BAG5: variants seen among roughly 807,000 people sequenced by gnomAD.
BAG5 encodes the protein BAG cochaperone 5, also known as BAG family molecular chaperone regulator 5.
A neutral mutation model predicts 31.8 loss-of-function variants in BAG5; 25 were observed. That is an observed-to-expected ratio of 0.79 (90% CI 0.57 to 1.10). The LOEUF (loss-of-function observed/expected upper bound fraction) is 1.10, where lower values mean the gene tolerates loss of function less well. Among genes scored for constraint, BAG5 ranks in the 50% least tolerant of loss-of-function variants. The probability of loss-of-function intolerance (pLI) is 0.00; values close to 1 mark genes in which losing one functional copy is unlikely to be tolerated. For synonymous variants in BAG5, 208 were observed against 205.0 expected (o/e 1.01, Z -0.13); for missense variants, 491 against 527.9 (o/e 0.93, Z 0.68).
intron 1 of BAG5, chr14:103,561,898 AATTC>A: frequency 7.0e-6 from 11 of 1,575,950 alleles, no homozygotes; most frequent in Non-Finnish European, 9.6e-6. Flanking sequence ...AACTATGAAT[AATTC>A]ATTCACTCGC....
Position 103,559,252 on chromosome 14 carries a change from C to G in BAG5, c.*569G>C, listed in dbSNP as rs2076054939. 1 of 152,160 alleles carries G rather than the reference C, an allele frequency of 6.6e-6. No homozygotes were observed. Among genetic ancestry groups the G allele is most frequent in the Non-Finnish European group, 1.5e-5 (1 of 68,058 alleles). 9.4% of individuals were successfully genotyped at this position (152,160 alleles called of 1,614,324 possible). On this transcript the variant is annotated 3_prime_UTR_variant, in exon 2 of 2. Coordinates refer to ENST00000299204, the MANE Select transcript of BAG5 (RefSeq NM_001015048.3). ...GTAGAGGATGGGGAAAATGCAGATG[C>G]TGTTTTTCCAACTAAAAATGTTTAC...
rs550355142 is a variant in BAG5, at chr14:103,559,696, A to T, written c.*125T>A. On this transcript the variant is annotated 3_prime_UTR_variant, in exon 2 of 2. Coordinates refer to ENST00000299204, the MANE Select transcript of BAG5 (RefSeq NM_001015048.3). ...ATCAAAAGCAGCAGATACTGAATAG[A>T]ATTTGCTTCAATCATAAATACTGAG... 2 of 1,142,852 alleles carry T rather than the reference A, an allele frequency of 1.8e-6. No individual in the cohort carries two copies. The allele number at this position is 1,142,852 out of a possible 1,614,324, so 70.8% of individuals were successfully genotyped here.
In BAG5 at chr14:103,560,999, C is replaced by G; in HGVS notation, c.166G>C (p.Val56Leu). The change falls in exon 2 of 2, where the codon GTA (valine) becomes CTA (leucine). Residue 56 changes from valine to leucine, a missense_variant. By Grantham distance (32) the Val-to-Leu change is conservative. Coordinates refer to ENST00000299204, the MANE Select transcript of BAG5 (RefSeq NM_001015048.3). ...ATATCTCCTTTTCCTTCAGTATCTA[C>G]AGAGTCTATTTCAAAAAGCTGTTTT... is the stretch of plus-strand genomic sequence containing the variant. ...LTKQLFEIDSVDTEGKGDIQQ... is the reference protein window; with the variant it reads ...LTKQLFEIDSLDTEGKGDIQQ... 6.2e-7 allele frequency: 1 copy of G among 1,614,150 alleles called. No homozygotes were observed. Among genetic ancestry groups the G allele is most frequent in the Non-Finnish European group, 8.5e-7 (1 of 1,180,042 alleles).
Position 103,561,176 on chromosome 14 carries a change from G to A in BAG5, c.-12C>T, listed in dbSNP as rs765596235. The A allele has an allele frequency of 4.5e-5, 71 of 1,591,214 alleles. No individual in the cohort carries two copies. In the South Asian group the frequency reaches 4.9e-4, roughly 11 times the overall value. On this transcript the variant is annotated 5_prime_UTR_variant, in exon 2 of 2. Coordinates refer to ENST00000299204, the MANE Select transcript of BAG5 (RefSeq NM_001015048.3). ...TTTCCCATATCCATACTTTTGTTGTGTTCAGTTTCACAAGCACTAAAAGAC... is the reference window on the plus strand; with the variant it reads ...TTTCCCATATCCATACTTTTGTTGTATTCAGTTTCACAAGCACTAAAAGAC...
chr14:103,558,074 T>G lies in BAG5; in HGVS notation c.*1747A>C, dbSNP rs1196861855. On this transcript the variant is annotated 3_prime_UTR_variant, in exon 2 of 2. Coordinates refer to ENST00000299204, the MANE Select transcript of BAG5 (RefSeq NM_001015048.3). ...TACAGAAAAGCAATCCTACAACTAC[T>G]GTGGCCAAAACGTGGATTCCAATGA... 2.0e-5 allele frequency: 3 copies of G among 152,224 alleles called. No individual in the cohort carries two copies. Among genetic ancestry groups the G allele is most frequent in the Non-Finnish European group, 4.4e-5 (3 of 68,046 alleles). The allele number at this position is 152,224 out of a possible 1,614,324, so 9.4% of individuals were successfully genotyped here.
chr14:103,561,920 TG>T (rs2142264517), intron 1 of BAG5: 1 of 1,609,098 alleles, frequency 6.2e-7, no homozygotes, highest in Admixed American at 1.7e-5. Flanking sequence ...CGCCTCCCAC[TG>T]GGAGTCCACA....
In BAG5 at chr14:103,559,591, C is replaced by T. The variant is rs187913611; in HGVS notation, c.*230G>A. 3 of 493,638 alleles carry T rather than the reference C, an allele frequency of 6.1e-6. No homozygotes were observed. The East Asian group carries it at 1.1e-4, about 18-fold the overall frequency. 30.6% of individuals were successfully genotyped at this position (493,638 alleles called of 1,614,324 possible). A position where few individuals can be genotyped will look rare whatever the true frequency, so the allele number is the denominator to read the frequency against. ...TTAAAAACGCAAAAAAAAGGACAAA[C>T]CAAACAAACCACACCACATCATACA... On this transcript the variant is annotated 3_prime_UTR_variant, in exon 2 of 2. Coordinates refer to ENST00000299204, the MANE Select transcript of BAG5 (RefSeq NM_001015048.3).
chr14:103,559,795 G>C lies in BAG5; in HGVS notation c.*26C>G, dbSNP rs1426393137. On this transcript the variant is annotated 3_prime_UTR_variant, in exon 2 of 2. Transcript: ENST00000299204. ...AGAAGCACATATGAAGTGCAAAACA[G>C]TATCAAAAGTGAGATCTCTGGTATT... 1.2e-6 allele frequency: 2 copies of C among 1,603,068 alleles called. No individual in the cohort carries two copies. Among genetic ancestry groups the C allele is most frequent in the Admixed American group, 3.4e-5 (2 of 59,552 alleles).
chr14:103,561,107 C>A lies in BAG5; in HGVS notation c.58G>T (p.Val20Leu). The change falls in exon 2 of 2, where the codon GTA becomes TTA. Residue 20 changes from valine to leucine, a missense_variant. Coordinates refer to ENST00000299204, the MANE Select transcript of BAG5 (RefSeq NM_001015048.3). ...ISRLQEIQKE[V>L]KSVEQQVIGF... ...ATAACTTGCTGTTCTACACTTTTTA[C>A]TTCCTTTTGGATTTCCTGAAGCCTA... 1 of 1,605,438 alleles carries A rather than the reference C, an allele frequency of 6.2e-7. No individual in the cohort carries two copies. Among genetic ancestry groups the A allele is most frequent in the Non-Finnish European group, 8.5e-7 (1 of 1,179,998 alleles).
Position 103,560,944 on chromosome 14 carries a change from T to C in BAG5, c.221A>G (p.Glu74Gly). ...IQQARKRAAQETERLLKELEQ... is the reference protein window; with the variant it reads ...IQQARKRAAQGTERLLKELEQ... ...CAACTCTTTGAGAAGACGTTCTGTC[T>C]CCTGTGCTGCCCGCTTCCTAGCTTG... Residue 74 changes from glutamate to glycine, a missense_variant, in exon 2 of 2, where the codon GAG (glutamate) becomes GGG (glycine). Coordinates refer to ENST00000299204, the MANE Select transcript of BAG5 (RefSeq NM_001015048.3). 6.2e-7 allele frequency: 1 copy of C among 1,614,188 alleles called. No homozygotes were observed. The highest frequency in any genetic ancestry group is 2.2e-5 in the East Asian group (1 of 44,890).
chr14:103,562,311 G>C (rs1283124815), intron 1 of BAG5: 1 of 391,386 alleles, frequency 2.6e-6, no homozygotes, highest in East Asian at 5.6e-5. Context: ...GTGCCAGGGC[G>C]CGCCTGCAGG....
Position 103,560,465 on chromosome 14 carries a change from C to T in BAG5, c.700G>A (p.Gly234Ser), listed in dbSNP as rs768693021. Residue 234 changes from glycine (G) to serine (S), a missense_variant, in exon 2 of 2, where the codon GGC becomes AGC. Physicochemically the swap from Gly to Ser is moderately conservative, Grantham distance 56. Coordinates refer to ENST00000299204, the MANE Select transcript of BAG5 (RefSeq NM_001015048.3). ...CGATAATTTCTGATTTCTGTCCGGC[C>T]GCACACATCTAGAGCATCCAGGTCA... is the stretch of plus-strand genomic sequence containing the variant. ...IADLDALDVC[G>S]RTEIRNYRRE... 23 of 1,613,936 alleles carry T rather than the reference C, an allele frequency of 1.4e-5. No homozygotes were observed. The highest frequency in any genetic ancestry group is 5.3e-5 in the African/African-American group (4 of 74,870).
rs569552550 is a variant in BAG5, at chr14:103,557,250, A to G, written c.*2571T>C. On this transcript the variant is annotated 3_prime_UTR_variant, in exon 2 of 2. Transcript: ENST00000299204. ...GCCCAGTTTAAGAATTACATGCAGT[A>G]GCTCATATTAACACAAACAGCTCCC... 6.6e-6 allele frequency: 1 copy of G among 152,378 alleles called. No individual in the cohort carries two copies. Among genetic ancestry groups the G allele is most frequent in the South Asian group, 2.1e-4 (1 of 4,830 alleles). The allele number at this position is 152,378 out of a possible 1,614,324, so 9.4% of individuals were successfully genotyped here. A position where few individuals can be genotyped will look rare whatever the true frequency, so the allele number is the denominator to read the frequency against.
chr14:103,561,836 G>A, intron 1 of BAG5: 6 of 1,103,684 alleles, frequency 5.4e-6, no homozygotes, highest in Non-Finnish European at 8.3e-6. Flanking sequence ...CACCTCCTCA[G>A]CCCCCAACAT....
In BAG5 at chr14:103,559,302, C is replaced by A. The variant is rs1229809082; in HGVS notation, c.*519G>T. 1 of 152,016 alleles carries A rather than the reference C, an allele frequency of 6.6e-6. No homozygotes were observed. Among genetic ancestry groups the A allele is most frequent in the Non-Finnish European group, 1.5e-5 (1 of 68,062 alleles). 9.4% of individuals were successfully genotyped at this position (152,016 alleles called of 1,614,324 possible). On this transcript the variant is annotated 3_prime_UTR_variant, in exon 2 of 2. Coordinates refer to ENST00000299204, the MANE Select transcript of BAG5 (RefSeq NM_001015048.3). ...CAAAAGAACAGACTGTCTGAACAAACAAAAAAACCCCACCCCGTTAAGCTG... is the reference window on the plus strand; with the variant it reads ...CAAAAGAACAGACTGTCTGAACAAAAAAAAAAACCCCACCCCGTTAAGCTG...
chr14:103,562,215 G>A (rs1176485438), intron 1 of BAG5: 3 of 583,890 alleles, frequency 5.1e-6, no homozygotes, highest in South Asian at 2.0e-5. Flanking sequence ...TGCATGCCTC[G>A]CACCCCTCCC....
chr14:103,558,829 G>A lies in BAG5; in HGVS notation c.*992C>T, dbSNP rs142926576. On this transcript the variant is annotated 3_prime_UTR_variant, in exon 2 of 2. Transcript: ENST00000299204. ...GGTTACTGACAGCGTCTACCCTCACGTTGTAAAACAGCACCGGGGAGGTGT... is the reference window on the plus strand; with the variant it reads ...GGTTACTGACAGCGTCTACCCTCACATTGTAAAACAGCACCGGGGAGGTGT... 2.6e-5 allele frequency: 4 copies of A among 152,272 alleles called. No individual in the cohort carries two copies. Among genetic ancestry groups the A allele is most frequent in the Admixed American group, 1.3e-4 (2 of 15,288 alleles). 9.4% of individuals were successfully genotyped at this position (152,272 alleles called of 1,614,324 possible).
chr14:103,562,244 C>A (rs980492401), intron 1 of BAG5: 2 of 527,104 alleles, frequency 3.8e-6, no homozygotes, highest in African/African-American at 1.9e-5. Flanking sequence ...CTGAGCGGGG[C>A]AGCCGGTGAA....
Position 103,556,813 on chromosome 14 carries a change from A to C in BAG5, c.*3008T>G, listed in dbSNP as rs1475800348. 1 of 152,182 alleles carries C rather than the reference A, an allele frequency of 6.6e-6. No individual in the cohort carries two copies. The highest frequency in any genetic ancestry group is 1.9e-4 in the East Asian group (1 of 5,198). The allele number at this position is 152,182 out of a possible 1,614,324, so 9.4% of individuals were successfully genotyped here. Reference sequence around the variant, plus strand: ...CTGTGCTCAAAAAAAAAATAAAAAAACCCAAAACCTTGCATGCACAAGCTA... The same window carrying C: ...CTGTGCTCAAAAAAAAAATAAAAAACCCCAAAACCTTGCATGCACAAGCTA... On this transcript the variant is annotated 3_prime_UTR_variant, in exon 2 of 2. Transcript: ENST00000299204.
Sources: allele counts gnomAD v4.1 joint callset, GRCh38; gene constraint gnomAD v4.1.1; transcripts MANE v1.5; gene names NCBI Gene and HGNC (gene_info 2026-07-23, HGNC 2026-07-21).